Variants in DPYSL2 observed in about 807,000 individuals in gnomAD.
The protein encoded by DPYSL2 is dihydropyrimidinase-related protein 2.
DPYSL2 carries 13 observed loss-of-function variants against 69.9 expected under a neutral mutation model. The observed-to-expected ratio is 0.19, with a 90% CI of 0.12 to 0.30. The LOEUF is 0.30. Among genes scored for constraint, DPYSL2 ranks in the 10% least tolerant of loss-of-function variants. The pLI is 1.00. For synonymous variants in DPYSL2, 326 were observed against 359.1 expected, an observed-to-expected ratio of 0.91 and a Z score of 1.04; for missense variants, 587 against 918.9, an observed-to-expected ratio of 0.64 and a Z score of 4.67.
At chr8:26,559,455 T>G (rs955684051) in intron 1 of DPYSL2, among the ~76,000 whole-genome samples, 4 of 152,236 alleles carry the variant, frequency 2.6e-5, no homozygotes, top group African/African-American at 9.6e-5. Flanking sequence ...GGTTAATACT[T>G]AGTACAGTAT....
chr8:26,618,177 G>A (rs1377579540), intron 3 of DPYSL2, among the ~76,000 whole-genome samples: 1 of 152,164 alleles, frequency 6.6e-6, no homozygotes, highest in Non-Finnish European at 1.5e-5. Context: ...GGCCCACCAC[G>A]CAGACCATGA....
At position 26,535,935 on chromosome 8, in the gene DPYSL2, T is replaced by TGTGC. The variant is rs1163957108; in HGVS notation, c.354+21258_354+21259insGCGT. Among the ~76,000 whole-genome samples, 4 of 147,406 alleles carry TGTGC rather than the reference T, an allele frequency of 2.7e-5. No homozygotes were observed. The East Asian group carries it at 7.9e-4, about 29-fold the overall frequency. Reference sequence around the variant, plus strand: ...GTGTGTGTGTGTGTGTGTGTGTGTGTGTTTGAGATGGGGTCTCACTCTGTC... The same window carrying TGTGC: ...GTGTGTGTGTGTGTGTGTGTGTGTGTGTGCGTTTGAGATGGGGTCTCACTCTGTC... On this transcript the variant is annotated intron_variant, in intron 1 of 13. Coordinates refer to ENST00000521913, the MANE Select transcript of DPYSL2 (RefSeq NM_001197293.3).
At chr8:26,542,894 A>G (rs1563380149) in intron 1 of DPYSL2, among the ~76,000 whole-genome samples, 3 of 152,204 alleles carry the variant, frequency 2.0e-5, no homozygotes, top group Admixed American at 6.5e-5. Context: ...GAGAGCATAC[A>G]GTATGTATGT....
chr8:26,576,367 T>TC (rs1237476183), intron 1 of DPYSL2, among the ~76,000 whole-genome samples: 1 of 151,928 alleles, frequency 6.6e-6, no homozygotes, highest in Non-Finnish European at 1.5e-5. Flanking sequence ...TACTCTTTCT[T>TC]CCCCCACCCC....
chr8:26,635,670 A>G (rs980464892), intron 8 of DPYSL2, among the ~76,000 whole-genome samples: 1 of 128,340 alleles, frequency 7.8e-6, no homozygotes, highest in African/African-American at 2.6e-5. Flanking sequence ...TGAACATTAT[A>G]AAAGGGTCCC....
At chr8:26,532,670 A>G (rs750503988) in intron 1 of DPYSL2, among the ~76,000 whole-genome samples, 2 of 152,148 alleles carry the variant, frequency 1.3e-5, no homozygotes, top group African/African-American at 4.8e-5. Context: ...AATGTTTTCC[A>G]GTTTCATTGG....
intron 1 of DPYSL2, among the ~76,000 whole-genome samples, chr8:26,554,392 G>A (rs1203845901): frequency 6.7e-6 from 1 of 148,474 alleles, no homozygotes; most frequent in Non-Finnish European, 1.5e-5. Context: ...ATTTGTTTAA[G>A]TTCTTTATAG....
intron 1 of DPYSL2, among the ~76,000 whole-genome samples, chr8:26,572,645 G>A (rs767925943): frequency 1.3e-5 from 2 of 151,962 alleles, no homozygotes; most frequent in South Asian, 2.1e-4. Context: ...GATTACAGGC[G>A]TCCCCTACCA....
At chr8:26,577,792 C>G in intron 1 of DPYSL2, 1 of 992,294 alleles carries the variant, frequency 1.0e-6, no homozygotes, top group Non-Finnish European at 1.2e-6. Context: ...CGCGCTCTCG[C>G]GCCGCGCCCC....
chr8:26,578,404 T>C (rs781545409), intron 1 of DPYSL2: 51 of 1,576,138 alleles, frequency 3.2e-5, no homozygotes, highest in Admixed American at 5.8e-5. Context: ...ACTTTTTTTT[T>C]CCTTTCTGTT....
In DPYSL2 at chr8:26,583,989, A is replaced by C; in HGVS notation, c.628+6A>C. On this transcript the variant is annotated splice_donor_region_variant and intron_variant, in intron 3 of 13. Transcript: ENST00000521913. The stretch of plus-strand genomic sequence containing the variant: ...TGGGGGAACCACTATGATCAGTAAG[A>C]AGCTTAAAAATCATCATTGTAGTGC... 7.4e-6 allele frequency: 12 copies of C among 1,612,366 alleles called. No individual in the cohort carries two copies. Among genetic ancestry groups the C allele is most frequent in the Non-Finnish European group, 1.0e-5 (12 of 1,179,344 alleles).
rs1801785750 is a variant in DPYSL2, at chr8:26,593,411, A to G, written c.628+9428A>G. On this transcript the variant is annotated intron_variant, in intron 3 of 13. Transcript: ENST00000521913. The surrounding 1 kb of genome is among the most constrained non-coding windows in gnomAD (Gnocchi z 5.7). ...TCCCAGTGCTTGTTCTGATAGTTGG[A>G]CTTCTGTTGAAACCGAATGAATGTC... Among the ~76,000 whole-genome samples the G allele has an allele frequency of 6.6e-6, 1 of 152,128 alleles. No individual in the cohort carries two copies.
rs1302645615 is a variant in DPYSL2, at chr8:26,644,027, C to T, written c.1361C>T (p.Thr454Ile). The change falls in exon 10 of 14, where the codon ACC (threonine) becomes ATC (isoleucine). Residue 454 changes from threonine to isoleucine, a missense_variant. Around this residue, in one of 3 missense-constraint regions of DPYSL2, gnomAD observed 452 missense variants for 754.3 expected, o/e 0.60. Coordinates refer to ENST00000521913, the MANE Select transcript of DPYSL2 (RefSeq NM_001197293.3). This position sits in a 1 kb window ranked among gnomAD's most constrained non-coding sequence, Gnocchi z 4.5. ...AQKAVGKDNF[T>I]LIPEGTNGTE... ...AAGGCTGTAGGAAAGGACAACTTCA[C>T]CCTGATTCCGGAGGGCACCAATGGC... 1.2e-6 allele frequency: 2 copies of T among 1,614,134 alleles called. No homozygotes were observed. The highest frequency in any genetic ancestry group is 1.7e-5 in the Admixed American group (1 of 60,012).
At chr8:26,639,128 T>A (rs912235552) in intron 8 of DPYSL2, among the ~76,000 whole-genome samples, 1 of 152,134 alleles carries the variant, frequency 6.6e-6, no homozygotes, top group Non-Finnish European at 1.5e-5. Context: ...ACTCAAACGT[T>A]ATGAGAAGCA....
rs1050465867 is a variant in DPYSL2 at position 26,619,124 on chromosome 8, G to A, written c.629-5019G>A. 6.6e-6 allele frequency among the ~76,000 whole-genome samples: 1 copy of A among 152,156 alleles called. No individual in the cohort carries two copies. The highest frequency in any genetic ancestry group is 1.5e-5 in the Non-Finnish European group (1 of 68,012). On this transcript the variant is annotated intron_variant, in intron 3 of 13. Coordinates refer to ENST00000521913, the MANE Select transcript of DPYSL2 (RefSeq NM_001197293.3). This position sits in a 1 kb window ranked among gnomAD's most constrained non-coding sequence, Gnocchi z 4.8. ...TTGCCAAGGCTGCCCTCTTGGAGGG[G>A]CCGATAGCTCAGGGAGGTCACCAGA...
chr8:26,602,882 G>A (rs1218521823), intron 3 of DPYSL2, among the ~76,000 whole-genome samples: 1 of 152,242 alleles, frequency 6.6e-6, no homozygotes, highest in Non-Finnish European at 1.5e-5. Flanking sequence ...GCCTGGGAGA[G>A]CCAAGAGAGG....
chr8:26,580,702 C>A lies in DPYSL2; in HGVS notation c.355-1267C>A, dbSNP rs900174862. 6.6e-6 allele frequency among the ~76,000 whole-genome samples: 1 copy of A among 152,140 alleles called. No homozygotes were observed. Among genetic ancestry groups the A allele is most frequent in the Non-Finnish European group, 1.5e-5 (1 of 68,034 alleles). On this transcript the variant is annotated intron_variant, in intron 1 of 13. Transcript: ENST00000521913. The surrounding 1 kb of genome is among the most constrained non-coding windows in gnomAD (Gnocchi z 4.1). ...TGGTAGCTGCTAAAGAGAGGTAGCA[C>A]TTGCTGAGAATATTGTTTTGTAACT...
intron 1 of DPYSL2, among the ~76,000 whole-genome samples, chr8:26,546,928 A>C (rs1169693572): frequency 9.7e-6 from 1 of 103,294 alleles, no homozygotes; most frequent in Non-Finnish European, 2.3e-5. Context: ...TCTCAAAAAA[A>C]AAAAAAAAAA....
rs537915400 is a variant in DPYSL2 at position 26,640,188 on chromosome 8, A to G, written c.1127-3251A>G. On this transcript the variant is annotated intron_variant, in intron 8 of 13. Transcript: ENST00000521913. The surrounding 1 kb of genome is among the most constrained non-coding windows in gnomAD (Gnocchi z 4.2). The stretch of plus-strand genomic sequence containing the variant: ...CTGCCAGAGCTGGGAGCTATCAAGC[A>G]TATTTAAACCGCAGCCTTCCATTTA... 4.6e-5 allele frequency among the ~76,000 whole-genome samples: 7 copies of G among 152,330 alleles called. No individual in the cohort carries two copies. The South Asian group carries it at 1.4e-3, about 32-fold the overall frequency.
Sources: allele counts gnomAD v4.1 joint callset (sites outside exome capture counted in the v4.1 genomes callset), GRCh38; gene constraint gnomAD v4.1.1; regional missense constraint gnomAD v4.1.1; non-coding constraint Gnocchi (gnomAD v3.1); transcripts MANE v1.5; gene names NCBI Gene and HGNC (gene_info 2026-07-23, HGNC 2026-07-21).